Variants in SLC16A6 observed in about 807,000 individuals in gnomAD.
SLC16A6 encodes monocarboxylate transporter 7.
Under a neutral mutation model 33.8 loss-of-function variants are expected in SLC16A6, and 15 were observed. That is an observed-to-expected ratio of 0.44 (90% CI 0.30 to 0.68). SLC16A6 has a LOEUF of 0.68. SLC16A6 is among the 30% of genes least tolerant of loss of function. The pLI is 0.10. For synonymous variants in SLC16A6, 219 were observed against 248.4 expected (o/e 0.88, Z 1.11); for missense variants, 451 against 661.5 (o/e 0.68, Z 3.49).
chr17:68,278,947 A>G (rs2075611427), intron 1 of SLC16A6, among the ~76,000 whole-genome samples: 1 of 152,118 alleles, frequency 6.6e-6, no homozygotes. Flanking sequence ...ATCATGTACA[A>G]GCAGTATAAA....
At chr17:68,277,011 C>T (rs1391102676) in intron 2 of SLC16A6, among the ~76,000 whole-genome samples, 1 of 152,144 alleles carries the variant, frequency 6.6e-6, no homozygotes, top group African/African-American at 2.4e-5. Context: ...CAGAAGGTCT[C>T]CTCAGAACAA....
chr17:68,274,165 T>A, intron 2 of SLC16A6, 95 bp from the exon 3 acceptor site: 1 of 1,339,310 alleles, frequency 7.5e-7, no homozygotes, highest in Non-Finnish European at 1.0e-6. Flanking sequence ...CATGGAGAGA[T>A]GATGTCGAAT....
chr17:68,272,417 G>A, intron 4 of SLC16A6, among the ~76,000 whole-genome samples: 1 of 152,188 alleles, frequency 6.6e-6, no homozygotes, highest in East Asian at 1.9e-4. Flanking sequence ...CTGCATATGT[G>A]CCCAGTTAGG....
At chr17:68,283,772 G>C (rs1392002148) in intron 1 of SLC16A6, among the ~76,000 whole-genome samples, 4 of 151,750 alleles carry the variant, frequency 2.6e-5, no homozygotes, top group Admixed American at 6.6e-5. Context: ...CAGCTACACG[G>C]GAGGCTGAGG....
At chr17:68,288,999 C>T (rs1396492946) in intron 1 of SLC16A6, among the ~76,000 whole-genome samples, 1 of 152,120 alleles carries the variant, frequency 6.6e-6, no homozygotes, top group Non-Finnish European at 1.5e-5. Context: ...TGACACAATC[C>T]ACGGGCAGTT....
Position 68,268,913 on chromosome 17 carries a change from G to A in SLC16A6, c.*183C>T. ...CTTTAAAAACAAGCAAAAAAAAAAA[G>A]CTTAAAACAAAACAAAACAAAACAA... On this transcript the variant is annotated 3_prime_UTR_variant, in exon 6 of 6. Coordinates refer to ENST00000580666, the MANE Select transcript of SLC16A6 (RefSeq NM_004694.5). 4 of 1,349,870 alleles carry A rather than the reference G, an allele frequency of 3.0e-6. No individual in the cohort carries two copies. Among genetic ancestry groups the A allele is most frequent in the South Asian group, 1.5e-5 (1 of 65,964 alleles). The allele number at this position is 1,349,870 out of a possible 1,614,324, so 83.6% of individuals were successfully genotyped here. A position where few individuals can be genotyped will look rare whatever the true frequency, so the allele number is the denominator to read the frequency against.
Position 68,267,317 on chromosome 17 carries a change from A to G in SLC16A6, c.*1779T>C, listed in dbSNP as rs2075187987. 6.6e-6 allele frequency: 1 copy of G among 152,144 alleles called. No individual in the cohort carries two copies. The highest frequency in any genetic ancestry group is 6.6e-5 in the Admixed American group (1 of 15,254). The allele number at this position is 152,144 out of a possible 1,614,324, so 9.4% of individuals were successfully genotyped here. A position where few individuals can be genotyped will look rare whatever the true frequency, so the allele number is the denominator to read the frequency against. On this transcript the variant is annotated 3_prime_UTR_variant, in exon 6 of 6. Transcript: ENST00000580666. ...AGTCTGCAAAACTGCCACAAGCTCA[A>G]AGTTCTCAAGCAGTGACAGAGATTT...
At chr17:68,286,001 C>G (rs2075833408) in intron 1 of SLC16A6, among the ~76,000 whole-genome samples, 1 of 152,140 alleles carries the variant, frequency 6.6e-6, no homozygotes, top group Non-Finnish European at 1.5e-5. Context: ...CCTCGTGATC[C>G]ACCCACCTCG....
chr17:68,269,777 G>A (rs1417912190), intron 5 of SLC16A6, among the ~76,000 whole-genome samples: 7 of 146,306 alleles, frequency 4.8e-5, no homozygotes, highest in African/African-American at 1.8e-4. Context: ...AGGTTCAAGC[G>A]ATTCTCCTGC....
rs199839077 is a variant in SLC16A6, at chr17:68,268,610, C to CT, written c.*485dup. ...TAGGAATTTTAAAAATGATTGAAGT[C>CT]TTTTTTTTTTTGACTGGCCAATTTC... On this transcript the variant is annotated 3_prime_UTR_variant, in exon 6 of 6. Transcript: ENST00000580666. 3.5e-4 allele frequency: 50 copies of CT among 143,810 alleles called. No individual in the cohort carries two copies. Among genetic ancestry groups the CT allele is most frequent in the African/African-American group, 3.6e-4 (14 of 39,316 alleles). 8.9% of individuals were successfully genotyped at this position (143,810 alleles called of 1,614,324 possible).
In SLC16A6 at chr17:68,268,911, A is replaced by G; in HGVS notation, c.*185T>C. 1 of 1,390,828 alleles carries G rather than the reference A, an allele frequency of 7.2e-7. No homozygotes were observed. Among genetic ancestry groups the G allele is most frequent in the Non-Finnish European group, 9.6e-7 (1 of 1,037,236 alleles). The allele number at this position is 1,390,828 out of a possible 1,614,324, so 86.2% of individuals were successfully genotyped here. On this transcript the variant is annotated 3_prime_UTR_variant, in exon 6 of 6. Transcript: ENST00000580666. The stretch of plus-strand genomic sequence containing the variant: ...GGCTTTAAAAACAAGCAAAAAAAAA[A>G]AGCTTAAAACAAAACAAAACAAAAC...
intron 2 of SLC16A6, among the ~76,000 whole-genome samples, chr17:68,276,007 T>C (rs2075505067): frequency 6.6e-6 from 1 of 150,526 alleles, no homozygotes; most frequent in Non-Finnish European, 1.5e-5. Flanking sequence ...TTAAGTTATC[T>C]TGATACTCAC....
At chr17:68,289,111 C>T (rs908093472) in intron 1 of SLC16A6, among the ~76,000 whole-genome samples, 3 of 151,946 alleles carry the variant, frequency 2.0e-5, no homozygotes, top group Non-Finnish European at 4.4e-5. Flanking sequence ...TTAGGGAGGC[C>T]GAAGCAGGCA....
At position 68,268,931 on chromosome 17, in the gene SLC16A6, C is replaced by A; in HGVS notation, c.*165G>T. The A allele has an allele frequency of 1.6e-5, 22 of 1,398,534 alleles. No individual in the cohort carries two copies. The highest frequency in any genetic ancestry group is 3.0e-5 in the South Asian group (2 of 67,496). The allele number at this position is 1,398,534 out of a possible 1,614,324, so 86.6% of individuals were successfully genotyped here. ...AAAAAAAGCTTAAAACAAAACAAAACAAAACAAAAGCGATGTTGGTAGTGC... is the reference window on the plus strand; with the variant it reads ...AAAAAAAGCTTAAAACAAAACAAAAAAAAACAAAAGCGATGTTGGTAGTGC... On this transcript the variant is annotated 3_prime_UTR_variant, in exon 6 of 6. Transcript: ENST00000580666.
chr17:68,280,785 T>C (rs575352134), intron 1 of SLC16A6, among the ~76,000 whole-genome samples: 7 of 152,274 alleles, frequency 4.6e-5, no homozygotes, highest in African/African-American at 1.7e-4. Context: ...GAAATAAACA[T>C]GGGATTATAT....
Position 68,270,848 on chromosome 17 carries a change from G to A in SLC16A6, c.1312C>T (p.Pro438Ser). ...IQSIAGLAGP[P>S]LAGLLVDQSK... is the part of the protein sequence containing the mutation. ...TGTGTATTTAAATTACCTGCAAGGG[G>A]CGGTCCAGCCAGTCCTGCTATGCTC... Residue 438 changes from proline to serine, a missense_variant, in exon 5 of 6, where the codon CCC becomes TCC. By Grantham distance (74) the Pro-to-Ser change is moderately conservative (BLOSUM62 -1). Transcript: ENST00000580666. The A allele has an allele frequency of 6.2e-7, 1 of 1,607,158 alleles. No homozygotes were observed.
chr17:68,286,022 G>A (rs1352928736), intron 1 of SLC16A6, among the ~76,000 whole-genome samples: 1 of 152,178 alleles, frequency 6.6e-6, no homozygotes, highest in Non-Finnish European at 1.5e-5. Context: ...GCCTCCCAAA[G>A]TGCTGGGATT....
At chr17:68,277,535 T>G (rs577377054) in intron 2 of SLC16A6, among the ~76,000 whole-genome samples, 19 of 152,268 alleles carry the variant, frequency 1.2e-4, no homozygotes, top group African/African-American at 4.1e-4. Flanking sequence ...GTTCAAGCAA[T>G]TCTCGTGCCT....
At position 68,271,009 on chromosome 17, in the gene SLC16A6, C is replaced by A; in HGVS notation, c.1151G>T (p.Gly384Val). 6.2e-7 allele frequency: 1 copy of A among 1,614,106 alleles called. No individual in the cohort carries two copies. Among genetic ancestry groups the A allele is most frequent in the South Asian group, 1.1e-5 (1 of 91,082 alleles). The stretch of plus-strand genomic sequence containing the variant: ...AAAAAATATGCTGCATGACATTAGA[C>A]CCCAGAATTCAGTAGCAAAAGTAAA... ...FAFTFATEFWGLMSCSIFFGF... is the reference protein window; with the variant it reads ...FAFTFATEFWVLMSCSIFFGF... The change falls in exon 5 of 6, where the codon GGT becomes GTT. Residue 384 changes from glycine (G) to valine (V), a missense_variant. Gly to Val is a moderately radical substitution (Grantham distance 109, BLOSUM62 -3). Transcript: ENST00000580666. This position sits in a 1 kb window ranked among gnomAD's most constrained non-coding sequence, Gnocchi z 5.3.
Sources: allele counts gnomAD v4.1 joint callset (sites outside exome capture counted in the v4.1 genomes callset), GRCh38; gene constraint gnomAD v4.1.1; non-coding constraint Gnocchi (gnomAD v3.1); transcripts MANE v1.5; gene names NCBI Gene and HGNC (gene_info 2026-07-23, HGNC 2026-07-21).